The following FAM178B variants were observed in gnomAD, a reference collection of about 807,000 sequenced individuals.
FAM178B encodes the protein protein FAM178B.
A neutral mutation model predicts 91.7 loss-of-function variants in FAM178B; 82 were observed. The observed-to-expected ratio is 0.89, with a 90% CI of 0.75 to 1.07. The LOEUF (loss-of-function observed/expected upper bound fraction) is 1.07. FAM178B is among the 50% of genes least tolerant of loss of function. The probability of loss-of-function intolerance (pLI) is 0.00; values close to 1 mark genes in which losing one functional copy is unlikely to be tolerated. For synonymous variants in FAM178B, 368 were observed against 359.4 expected (o/e 1.02, Z -0.27); for missense variants, 769 against 846.7 (o/e 0.91, Z 1.14).
chr2:96,923,711 C>G lies in FAM178B; in HGVS notation c.1194-128G>C. Reference sequence around the variant, plus strand: ...GCTGGACACAGCAAATTCTTCCACACAGATGATCTCATGAGTTTCTGAGGG... The same window carrying G: ...GCTGGACACAGCAAATTCTTCCACAGAGATGATCTCATGAGTTTCTGAGGG... On this transcript the variant is annotated intron_variant, in intron 9 of 16. Transcript: ENST00000490605. 3 of 682,080 alleles carry G rather than the reference C, an allele frequency of 4.4e-6. No homozygotes were observed. In the South Asian group the frequency reaches 5.1e-5, roughly 11 times the overall value. The allele number at this position is 682,080 out of a possible 1,614,324, so 42.3% of individuals were successfully genotyped here.
intron 6 of FAM178B, among the ~76,000 whole-genome samples, chr2:96,956,537 T>C (rs1309941889): frequency 6.6e-6 from 1 of 152,230 alleles, no homozygotes; most frequent in Non-Finnish European, 1.5e-5. Flanking sequence ...AGAAAGATAT[T>C]TTCCCCCTTT....
intron 10 of FAM178B, among the ~76,000 whole-genome samples, chr2:96,922,314 CT>C (rs962127201): frequency 1.3e-5 from 2 of 152,204 alleles, no homozygotes; most frequent in Non-Finnish European, 2.9e-5. Flanking sequence ...ACCAGCAGCC[CT>C]TGGGGCTGCT....
At position 96,876,108 on chromosome 2, in the gene FAM178B, C is replaced by G. The variant is rs896731669; in HGVS notation, c.*168G>C. ...GTCGGGGCGGTGGCAGAGGCAGGCT[C>G]TTGCAGAGAGGAGAGGGGTCGGGGC... On this transcript the variant is annotated 3_prime_UTR_variant, in exon 17 of 17. Coordinates refer to ENST00000490605, the MANE Select transcript of FAM178B (RefSeq NM_001122646.3). 1 of 664,174 alleles carries G rather than the reference C, an allele frequency of 1.5e-6. No homozygotes were observed. Among genetic ancestry groups the G allele is most frequent in the Non-Finnish European group, 2.6e-6 (1 of 391,778 alleles). 41.1% of individuals were successfully genotyped at this position (664,174 alleles called of 1,614,324 possible).
At chr2:96,938,321 G>A (rs1256026953) in intron 8 of FAM178B, among the ~76,000 whole-genome samples, 4 of 152,170 alleles carry the variant, frequency 2.6e-5, no homozygotes, top group African/African-American at 9.7e-5. Flanking sequence ...TACTAATGGC[G>A]CAGTACCTGA....
chr2:96,929,019 G>A lies in FAM178B; in HGVS notation c.1193+187C>T, dbSNP rs191572585. ...CAAAAAATTAAAAAATTCGCCAGGC[G>A]TGGTGGTGCGTACCTGTAGTCCCAG... On this transcript the variant is annotated intron_variant, in intron 9 of 16. Transcript: ENST00000490605. Among the ~76,000 whole-genome samples, 292 of 152,234 alleles carry A rather than the reference G, an allele frequency of 1.9e-3. 3 individuals are homozygous for A. In the East Asian group the frequency reaches 0.033, roughly 17 times the overall value.
At chr2:96,967,963 T>C (rs2082167961) in intron 4 of FAM178B, among the ~76,000 whole-genome samples, 1 of 132,522 alleles carries the variant, frequency 7.5e-6, no homozygotes, top group African/African-American at 2.8e-5. Context: ...CTGTGTTGCC[T>C]AGGCCAGAGT....
chr2:96,921,757 T>C (rs756338694), intron 10 of FAM178B, 103 bp from the exon 11 acceptor site: 5 of 1,207,860 alleles, frequency 4.1e-6, no homozygotes, highest in Non-Finnish European at 4.7e-6. Flanking sequence ...GGGATGGTAC[T>C]GTGAGCCCCG....
intron 4 of FAM178B, among the ~76,000 whole-genome samples, chr2:96,967,902 CTGTT>C (rs1423956848): frequency 4.4e-4 from 29 of 65,870 alleles, no homozygotes; most frequent in African/African-American, 9.6e-4. Context: ...CTTGTGTACC[CTGTT>C]TGGTCTTTTT....
intron 12 of FAM178B, among the ~76,000 whole-genome samples, chr2:96,906,175 C>T (rs75328258): frequency 0.057 from 8,487 of 149,422 alleles, 810 homozygotes; most frequent in African/African-American, 0.2. Flanking sequence ...TGAGCCACCG[C>T]GCCCAGCCAA....
chr2:96,948,611 G>A (rs1215910436), intron 7 of FAM178B, among the ~76,000 whole-genome samples: 1 of 152,214 alleles, frequency 6.6e-6, no homozygotes, highest in African/African-American at 2.4e-5. Context: ...CAGCCATGCT[G>A]TGCATGACAT....
intron 4 of FAM178B, among the ~76,000 whole-genome samples, chr2:96,968,959 C>A (rs2082181988): frequency 1.3e-5 from 2 of 152,174 alleles, no homozygotes; most frequent in South Asian, 4.1e-4. Context: ...GTCTTATCCA[C>A]CTTTACATGT....
intron 16 of FAM178B, among the ~76,000 whole-genome samples, chr2:96,877,191 G>A (rs1227155804): frequency 3.3e-5 from 5 of 152,100 alleles, no homozygotes; most frequent in Admixed American, 3.3e-4. Flanking sequence ...AGAGGACCAG[G>A]GCAGCCTGGG....
At chr2:96,878,357 T>G in intron 15 of FAM178B, 59 bp downstream of exon 15, 2 of 1,508,676 alleles carry the variant, frequency 1.3e-6, no homozygotes, top group Non-Finnish European at 1.8e-6. Flanking sequence ...CCCCCGCCGC[T>G]TGGGGGAGAA....
intron 9 of FAM178B, among the ~76,000 whole-genome samples, chr2:96,928,981 C>CG (rs1268916321): frequency 1.3e-5 from 2 of 151,978 alleles, no homozygotes; most frequent in African/African-American, 4.8e-5. Flanking sequence ...GAGACCCCCC[C>CG]CCGCCACCTC....
In FAM178B at chr2:96,895,996, G is replaced by A. The variant is rs114123238; in HGVS notation, c.1651-1945C>T. Among the ~76,000 whole-genome samples, 521 of 152,354 alleles carry A rather than the reference G, an allele frequency of 3.4e-3. 5 individuals are homozygous for A. The highest frequency in any genetic ancestry group is 0.012 in the African/African-American group (489 of 41,582). On this transcript the variant is annotated intron_variant, in intron 13 of 16. Coordinates refer to ENST00000490605, the MANE Select transcript of FAM178B (RefSeq NM_001122646.3). ...AGGGGGGAGGAAGGTTCTGGGCGAA[G>A]GGAGGCACCATCTGGGGCTTCACCC...
At chr2:96,982,036 C>T (rs2082369582) in intron 1 of FAM178B, among the ~76,000 whole-genome samples, 1 of 151,696 alleles carries the variant, frequency 6.6e-6, no homozygotes, top group Middle Eastern at 3.4e-3. Context: ...TACTGCACTC[C>T]AGCCTGGGTG....
chr2:96,951,116 A>G (rs1159385087), intron 7 of FAM178B, among the ~76,000 whole-genome samples: 9 of 152,024 alleles, frequency 5.9e-5, no homozygotes. Context: ...AGAGACACAC[A>G]CCTTCGGGGG....
At chr2:96,912,165 C>T (rs373499449) in intron 12 of FAM178B, among the ~76,000 whole-genome samples, 3 of 152,246 alleles carry the variant, frequency 2.0e-5, no homozygotes, top group African/African-American at 7.2e-5. Context: ...TCAGCTGACC[C>T]CACAAGGACT....
chr2:96,974,337 G>A (rs1210030054), intron 1 of FAM178B, among the ~76,000 whole-genome samples: 5 of 138,762 alleles, frequency 3.6e-5, no homozygotes, highest in South Asian at 2.3e-4. Context: ...AGCCAAGATC[G>A]TGCCACTGTA....
Sources: gnomAD v4.1 joint callset for allele counts (sites outside exome capture counted in the v4.1 genomes callset) on GRCh38, gnomAD v4.1.1 for gene constraint, MANE v1.5 for transcripts, NCBI Gene and HGNC (gene_info 2026-07-23, HGNC 2026-07-21) for gene names.